Variants in FERMT2 observed in about 807,000 individuals in gnomAD.
FERMT2 encodes fermitin family homolog 2.
Under a neutral mutation model 82.7 loss-of-function variants are expected in FERMT2, and 15 were observed. The ratio of observed to expected loss-of-function variants is 0.18; its 90% CI spans 0.12 to 0.28. The LOEUF (loss-of-function observed/expected upper bound fraction) is 0.28. Among genes scored for constraint, FERMT2 ranks in the 10% least tolerant of loss-of-function variants. FERMT2 has a pLI of 1.00. For synonymous variants in FERMT2, 274 were observed against 271.5 expected, an observed-to-expected ratio of 1.01 and a Z score of -0.09; for missense variants, 645 against 809.4, an observed-to-expected ratio of 0.80 and a Z score of 2.46.
At chr14:52,930,321 G>C (rs561112675) in intron 2 of FERMT2, among the ~76,000 whole-genome samples, 1 of 152,294 alleles carries the variant, frequency 6.6e-6, no homozygotes, top group East Asian at 1.9e-4. Flanking sequence ...TTGTAAGTCT[G>C]AGAATTCAGA....
At chr14:52,876,786 A>C (rs1885982133) in intron 7 of FERMT2, among the ~76,000 whole-genome samples, 3 of 152,166 alleles carry the variant, frequency 2.0e-5, no homozygotes, top group Admixed American at 2.0e-4. Flanking sequence ...TCTCTCTGAA[A>C]GAAAAAATTC....
chr14:52,902,324 C>T (rs1334652948), intron 3 of FERMT2, among the ~76,000 whole-genome samples: 2 of 151,028 alleles, frequency 1.3e-5, no homozygotes, highest in African/African-American at 4.9e-5. Context: ...ACCTAGGAGG[C>T]GGAGGTTGCA....
intron 3 of FERMT2, among the ~76,000 whole-genome samples, chr14:52,894,365 G>T (rs1397948132): frequency 6.6e-6 from 1 of 152,182 alleles, no homozygotes; most frequent in Non-Finnish European, 1.5e-5. Context: ...TTAAGCTAAA[G>T]ATTTAATGAG....
chr14:52,872,690 AAAGAAAT>A, intron 10 of FERMT2, 102 bp downstream of exon 10: 1 of 1,139,078 alleles, frequency 8.8e-7, no homozygotes, highest in Non-Finnish European at 1.3e-6. Flanking sequence ...CCAAAGGAGT[AAAGAAAT>A]TGATTTTTTT....
At chr14:52,864,943 A>C (rs1885178908) in intron 10 of FERMT2, 90 bp from the exon 11 acceptor site, 1 of 776,612 alleles carries the variant, frequency 1.3e-6, no homozygotes, top group Admixed American at 2.2e-5. Flanking sequence ...TGGCATCTTA[A>C]CATGTTGGAT....
In FERMT2 at chr14:52,919,158, A is replaced by C; in HGVS notation, c.356T>G (p.Val119Gly). ...VKVKVNFSDR[V>G]FKAVSDICKT... ...ACAGATGTCAGAAACAGCTTTGAAG[A>C]CTCTATCAGAGAAATTCACTTTCAC... is the stretch of plus-strand genomic sequence containing the variant. Residue 119 changes from valine (V) to glycine (G), a missense_variant, in exon 3 of 15, where the codon GTC (valine) becomes GGC (glycine). By Grantham distance (109) the Val-to-Gly change is moderately radical. Transcript: ENST00000341590. 2.5e-6 allele frequency: 4 copies of C among 1,613,580 alleles called. No homozygotes were observed. The highest frequency in any genetic ancestry group is 2.5e-6 in the Non-Finnish European group (3 of 1,179,700).
intron 8 of FERMT2, 88 bp from the exon 9 acceptor site, chr14:52,874,314 TTAA>T: frequency 4.3e-6 from 3 of 693,198 alleles, no homozygotes; most frequent in Non-Finnish European, 6.9e-6. Flanking sequence ...ACTAGCTTAC[TTAA>T]TAAACAGAAT....
chr14:52,886,797 T>C lies in FERMT2; in HGVS notation c.527-5328A>G, dbSNP rs553113585. Among the ~76,000 whole-genome samples the C allele has an allele frequency of 2.6e-5, 4 of 152,286 alleles. No individual in the cohort carries two copies. The South Asian group carries it at 6.2e-4, about 24-fold the overall frequency. ...TCCAAACTTACAACCTCGTTATATG[T>C]AGTAATCAAGAAATGGCTCCCTCTT... On this transcript the variant is annotated intron_variant, in intron 4 of 14. Transcript: ENST00000341590.
intron 3 of FERMT2, among the ~76,000 whole-genome samples, chr14:52,918,149 G>A (rs1888724607): frequency 6.6e-6 from 1 of 152,156 alleles, no homozygotes; most frequent in Non-Finnish European, 1.5e-5. Context: ...AGCCAAAAAG[G>A]CCAAGAAGTA....
intron 3 of FERMT2, among the ~76,000 whole-genome samples, chr14:52,912,511 C>CTT (rs1252702778): frequency 0.12 from 17,099 of 139,152 alleles, 1,163 homozygotes; most frequent in African/African-American, 0.17. Context: ...CAGATCACTA[C>CTT]TTTTTTTTTT....
intron 4 of FERMT2, among the ~76,000 whole-genome samples, chr14:52,890,548 AC>A (rs1404532094): frequency 6.6e-6 from 1 of 151,934 alleles, no homozygotes; most frequent in East Asian, 1.9e-4. Flanking sequence ...ACTATGCAGC[AC>A]ATGACTATAT....
At chr14:52,907,465 G>A (rs1391019359) in intron 3 of FERMT2, among the ~76,000 whole-genome samples, 1 of 152,090 alleles carries the variant, frequency 6.6e-6, no homozygotes, top group African/African-American at 2.4e-5. Flanking sequence ...TGGTAAATAC[G>A]TGATATGAAA....
rs867802630 is a variant in FERMT2 at position 52,877,579 on chromosome 14, T to A, written c.963+1003A>T. Among the ~76,000 whole-genome samples the A allele has an allele frequency of 1.2e-4, 16 of 130,166 alleles. 1 individual carries two copies. Among genetic ancestry groups the A allele is most frequent in the African/African-American group, 4.9e-4 (15 of 30,312 alleles). 85.4% of individuals were successfully genotyped at this position (130,166 alleles called of 152,430 possible). A position where few individuals can be genotyped will look rare whatever the true frequency, so the allele number is the denominator to read the frequency against. ...GTGAAAATTAGCTGTTCTTGCTTTT[T>A]TTTTTTTTTTTTTTTTTTTGCTAAC... is the stretch of plus-strand genomic sequence containing the variant. On this transcript the variant is annotated intron_variant, in intron 7 of 14. Transcript: ENST00000341590.
intron 6 of FERMT2, among the ~76,000 whole-genome samples, chr14:52,879,305 G>A (rs1328187387): frequency 6.6e-6 from 1 of 152,162 alleles, no homozygotes; most frequent in East Asian, 1.9e-4. Flanking sequence ...TAAGAATACT[G>A]CAGATTGAGT....
intron 3 of FERMT2, among the ~76,000 whole-genome samples, chr14:52,905,175 C>T (rs1402572031): frequency 2.4e-5 from 3 of 126,438 alleles, no homozygotes; most frequent in Admixed American, 1.9e-4. Context: ...GGGAACAGAG[C>T]GAGACTCCAT....
At chr14:52,910,023 A>G (rs1469519194) in intron 3 of FERMT2, among the ~76,000 whole-genome samples, 1 of 152,228 alleles carries the variant, frequency 6.6e-6, no homozygotes, top group Non-Finnish European at 1.5e-5. Context: ...ACTGCACTCC[A>G]GCCTGGCGAC....
intron 2 of FERMT2, among the ~76,000 whole-genome samples, chr14:52,934,456 T>C (rs529036244): frequency 2.1e-4 from 32 of 152,378 alleles, no homozygotes; most frequent in African/African-American, 7.0e-4. Context: ...GTATCTTTTA[T>C]GCCTTGGCAA....
chr14:52,890,705 G>A (rs1886891014), intron 4 of FERMT2, among the ~76,000 whole-genome samples: 1 of 150,636 alleles, frequency 6.6e-6, no homozygotes, highest in Non-Finnish European at 1.5e-5. Flanking sequence ...CCAGGTTCAA[G>A]CGATTCTCCT....
chr14:52,934,126 TAATA>T (rs970671225), intron 2 of FERMT2, among the ~76,000 whole-genome samples: 4 of 152,212 alleles, frequency 2.6e-5, no homozygotes, highest in African/African-American at 7.2e-5. Flanking sequence ...AGACCAGAAC[TAATA>T]AATATTTATA....
Sources: gnomAD v4.1 joint callset for allele counts (sites outside exome capture counted in the v4.1 genomes callset) on GRCh38, gnomAD v4.1.1 for gene constraint, MANE v1.5 for transcripts, NCBI Gene and HGNC (gene_info 2026-07-23, HGNC 2026-07-21) for gene names.